The following IMMP2L variants were observed in gnomAD, a reference collection of about 807,000 sequenced individuals.
IMMP2L encodes the protein mitochondrial inner membrane protease subunit 2.
Under a neutral mutation model 19.3 loss-of-function variants are expected in IMMP2L, and 18 were observed. The ratio of observed to expected loss-of-function variants is 0.93; its 90% CI spans 0.64 to 1.38. The LOEUF (loss-of-function observed/expected upper bound fraction) is 1.38. Among genes scored for constraint, IMMP2L ranks in the 40% most tolerant of loss-of-function variants. The pLI, the probability that IMMP2L is intolerant of heterozygous loss-of-function variation, is 0.00. For synonymous variants in IMMP2L, 76 were observed against 73.0 expected (o/e 1.04, Z -0.21); for missense variants, 233 against 218.2 (o/e 1.07, Z -0.43).
At chr7:110,745,878 C>G (rs1797305346) in intron 5 of IMMP2L, among the ~76,000 whole-genome samples, 1 of 152,142 alleles carries the variant, frequency 6.6e-6, no homozygotes, top group Non-Finnish European at 1.5e-5. Flanking sequence ...ATCATAATGG[C>G]AGGATCAAAT....
intron 5 of IMMP2L, among the ~76,000 whole-genome samples, chr7:110,842,550 G>T (rs117955357): frequency 1.3e-5 from 2 of 152,204 alleles, no homozygotes; most frequent in Non-Finnish European, 2.9e-5. Context: ...ATTGTTGTAC[G>T]TGGCAGCTTA....
chr7:110,962,091 T>G (rs941294945), intron 4 of IMMP2L, among the ~76,000 whole-genome samples: 3 of 151,972 alleles, frequency 2.0e-5, no homozygotes, highest in Non-Finnish European at 2.9e-5. Flanking sequence ...CCTCAATAAA[T>G]TTTTAAAAGA....
Position 111,089,333 on chromosome 7 carries a change from C to A in IMMP2L, c.240-125768G>T, listed in dbSNP as rs13438044. On this transcript the variant is annotated intron_variant, in intron 3 of 5. Coordinates refer to ENST00000405709, the MANE Select transcript of IMMP2L (RefSeq NM_032549.4). ...GAGTGCATTATAATTGGTTTGATTA[C>A]TGGACTTGTCAATTATACAGTCAAT... 9.7e-3 allele frequency among the ~76,000 whole-genome samples: 1,472 copies of A among 152,142 alleles called. 23 individuals are homozygous for A. The highest frequency in any genetic ancestry group is 0.033 in the African/African-American group (1,366 of 41,532).
intron 3 of IMMP2L, among the ~76,000 whole-genome samples, chr7:111,311,290 T>C (rs1584564430): frequency 6.7e-6 from 1 of 149,902 alleles, no homozygotes; most frequent in African/African-American, 2.5e-5. Flanking sequence ...GAAAAGAACA[T>C]GAGAGAAGGG....
intron 4 of IMMP2L, among the ~76,000 whole-genome samples, chr7:110,945,427 A>C (rs1817155330): frequency 1.3e-5 from 2 of 151,618 alleles, no homozygotes; most frequent in South Asian, 2.1e-4. Flanking sequence ...GAAAATACCC[A>C]CCTCGCTTGC....
At position 111,503,819 on chromosome 7, in the gene IMMP2L, C is replaced by T. The variant is rs199885505; in HGVS notation, c.136-16478G>A. ...TAAATTAGATATTGATGGGACGTAT[C>T]TCAAAATAATAAGAGCTATCTATGA... On this transcript the variant is annotated intron_variant, in intron 2 of 5. Coordinates refer to ENST00000405709, the MANE Select transcript of IMMP2L (RefSeq NM_032549.4). Among the ~76,000 whole-genome samples, 7 of 152,060 alleles carry T rather than the reference C, an allele frequency of 4.6e-5. No individual in the cohort carries two copies. The East Asian group carries it at 7.7e-4, about 17-fold the overall frequency.
intron 3 of IMMP2L, among the ~76,000 whole-genome samples, chr7:111,230,016 T>C (rs1452927549): frequency 2.0e-5 from 3 of 152,136 alleles, no homozygotes; most frequent in African/African-American, 7.2e-5. Context: ...TTCAGCTTTA[T>C]GGAACAACAG....
chr7:111,184,960 T>A (rs1192193763), intron 3 of IMMP2L, among the ~76,000 whole-genome samples: 1 of 152,184 alleles, frequency 6.6e-6, no homozygotes, highest in Non-Finnish European at 1.5e-5. Context: ...CTAATAAAGA[T>A]GCTCTCCTTC....
At chr7:110,667,876 T>A (rs549238644) in intron 5 of IMMP2L, among the ~76,000 whole-genome samples, 1 of 152,342 alleles carries the variant, frequency 6.6e-6, no homozygotes, top group South Asian at 2.1e-4. Context: ...CCCATTCCCA[T>A]CTTCCACCCC....
chr7:111,536,981 A>G (rs1847943989), intron 1 of IMMP2L, among the ~76,000 whole-genome samples: 1 of 152,132 alleles, frequency 6.6e-6, no homozygotes, highest in African/African-American at 2.4e-5. Flanking sequence ...ATGTCAGGAA[A>G]AGCAGAGAAA....
At chr7:111,122,079 T>C (rs967688089) in intron 3 of IMMP2L, among the ~76,000 whole-genome samples, 10 of 93,708 alleles carry the variant, frequency 1.1e-4, no homozygotes, top group African/African-American at 4.1e-4. Context: ...GGGCCTGTTG[T>C]GGGGTGGGGG....
intron 3 of IMMP2L, among the ~76,000 whole-genome samples, chr7:111,047,689 T>C (rs192072939): frequency 3.9e-4 from 59 of 152,232 alleles, no homozygotes; most frequent in African/African-American, 1.3e-3. Context: ...GGGGCTAATA[T>C]TGAGACAGAC....
intron 3 of IMMP2L, among the ~76,000 whole-genome samples, chr7:111,461,689 C>T (rs981644585): frequency 1.3e-5 from 2 of 152,032 alleles, no homozygotes; most frequent in African/African-American, 4.8e-5. Flanking sequence ...TCTTATGATG[C>T]TCTTTGCTCA....
At chr7:111,117,516 C>T (rs1271038019) in intron 3 of IMMP2L, among the ~76,000 whole-genome samples, 15 of 151,980 alleles carry the variant, frequency 9.9e-5, no homozygotes, top group Non-Finnish European at 1.8e-4. Context: ...TAAATAATTA[C>T]CATTATCCAT....
chr7:111,438,938 T>C (rs919196092), intron 3 of IMMP2L, among the ~76,000 whole-genome samples: 9 of 151,904 alleles, frequency 5.9e-5, no homozygotes, highest in Non-Finnish European at 1.0e-4. Context: ...TGGACACTAA[T>C]AGGATAAAAA....
rs1244337769 is a variant in IMMP2L, at chr7:110,870,054, C to T, written c.408+16539G>A. 6.6e-6 allele frequency among the ~76,000 whole-genome samples: 1 copy of T among 152,120 alleles called. No homozygotes were observed. The highest frequency in any genetic ancestry group is 6.6e-5 in the Admixed American group (1 of 15,244). On this transcript the variant is annotated intron_variant, in intron 5 of 5. Coordinates refer to ENST00000405709, the MANE Select transcript of IMMP2L (RefSeq NM_032549.4). The surrounding 1 kb of genome is among the most constrained non-coding windows in gnomAD (Gnocchi z 4.2). ...TCCTCCTAGTTTCAGCCAGCCTGTT[C>T]AGCTGACCTATCACAAAAGCTCTGT...
chr7:111,034,596 G>C (rs1791150401), intron 3 of IMMP2L, among the ~76,000 whole-genome samples: 1 of 152,004 alleles, frequency 6.6e-6, no homozygotes, highest in African/African-American at 2.4e-5. Flanking sequence ...GGAAAGGAAG[G>C]GCTGTAGAGA....
chr7:111,551,153 C>A lies in IMMP2L; in HGVS notation c.-3+10698G>T, dbSNP rs367566077. On this transcript the variant is annotated intron_variant, in intron 1 of 5. Transcript: ENST00000405709. ...GATAATCTGTTTGCAATGTGTCCCCCAGCGACAAGCAAGATGATTTTTCAA... is the reference window on the plus strand; with the variant it reads ...GATAATCTGTTTGCAATGTGTCCCCAAGCGACAAGCAAGATGATTTTTCAA... 5.9e-5 allele frequency among the ~76,000 whole-genome samples: 9 copies of A among 152,210 alleles called. No homozygotes were observed. In the East Asian group the frequency reaches 1.2e-3, roughly 20 times the overall value.
chr7:111,102,307 T>C (rs936227564), intron 3 of IMMP2L, among the ~76,000 whole-genome samples: 5 of 151,434 alleles, frequency 3.3e-5, no homozygotes, highest in African/African-American at 9.7e-5. Context: ...TAATGCATCA[T>C]GATGACCAAA....
Sources: gnomAD v4.1 joint callset for allele counts (sites outside exome capture counted in the v4.1 genomes callset) on GRCh38, gnomAD v4.1.1 for gene constraint, Gnocchi (gnomAD v3.1) non-coding constraint, MANE v1.5 for transcripts, NCBI Gene and HGNC (gene_info 2026-07-23, HGNC 2026-07-21) for gene names.